The following MAD1L1 variants were observed in gnomAD, a reference collection of about 807,000 sequenced individuals.
The protein encoded by MAD1L1 is mitotic spindle assembly checkpoint protein MAD1.
In MAD1L1, 95 loss-of-function variants were observed where a neutral mutation model predicts 96.9. The observed-to-expected ratio is 0.98, with a 90% CI of 0.83 to 1.16. MAD1L1 has a LOEUF of 1.16. Among genes scored for constraint, MAD1L1 ranks in the 50% most tolerant of loss-of-function variants. MAD1L1 has a pLI of 0.00. For missense variants in MAD1L1, 1,007 were observed against 954.4 expected (o/e 1.06, Z -0.73); for synonymous variants, 473 against 396.6 (o/e 1.19, Z -2.29).
chr7:2,196,866 C>T (rs1792015577), intron 10 of MAD1L1, among the ~76,000 whole-genome samples: 2 of 152,218 alleles, frequency 1.3e-5, no homozygotes, highest in African/African-American at 4.8e-5. Context: ...TCTCAACTGA[C>T]AACAGGAAAC....
intron 10 of MAD1L1, among the ~76,000 whole-genome samples, chr7:2,154,126 A>C (rs921875615): frequency 6.6e-6 from 1 of 152,250 alleles, no homozygotes; most frequent in Non-Finnish European, 1.5e-5. Flanking sequence ...ACTGCACTCC[A>C]GCCTGGCAAC....
At chr7:2,085,690 G>T (rs1259720414) in intron 11 of MAD1L1, among the ~76,000 whole-genome samples, 1 of 152,198 alleles carries the variant, frequency 6.6e-6, no homozygotes, top group African/African-American at 2.4e-5. Flanking sequence ...CTCCTCGCTG[G>T]GTGGACAGCC....
intron 11 of MAD1L1, among the ~76,000 whole-genome samples, chr7:2,147,778 A>G (rs1789383008): frequency 6.6e-6 from 1 of 152,240 alleles, no homozygotes; most frequent in South Asian, 2.1e-4. Context: ...CATGGGCTCA[A>G]TCCACATCTC....
At position 2,225,495 on chromosome 7, in the gene MAD1L1, C is replaced by G. The variant is rs370103711; in HGVS notation, c.206G>C (p.Arg69Pro). 35 of 1,614,032 alleles carry G rather than the reference C, an allele frequency of 2.2e-5. No homozygotes were observed. The highest frequency in any genetic ancestry group is 5.0e-5 in the Admixed American group (3 of 59,998). The stretch of plus-strand genomic sequence containing the variant: ...ACTCAGCTCCATCTGCATTTTCTCC[C>G]GCTCCACCTGGATGAGGTGGGACTT... ...RSKSHLIQVEREKMQMELSHK... is the reference protein window; with the variant it reads ...RSKSHLIQVEPEKMQMELSHK... The change falls in exon 4 of 19, where the codon CGG (arginine) becomes CCG (proline). Residue 69 changes from arginine (R) to proline (P), a missense_variant. Transcript: ENST00000265854.
intron 11 of MAD1L1, among the ~76,000 whole-genome samples, chr7:2,111,832 G>A (rs1302550881): frequency 6.6e-6 from 1 of 152,154 alleles, no homozygotes; most frequent in African/African-American, 2.4e-5. Flanking sequence ...CACACCGGAT[G>A]CTTCCCGCTG....
At chr7:1,892,177 A>C (rs1786585184) in intron 18 of MAD1L1, among the ~76,000 whole-genome samples, 1 of 152,202 alleles carries the variant, frequency 6.6e-6, no homozygotes, top group Non-Finnish European at 1.5e-5. Context: ...GGTCTACTGC[A>C]TTCAGCACAG....
At chr7:2,019,940 T>C (rs1345236088) in intron 12 of MAD1L1, among the ~76,000 whole-genome samples, 1 of 152,222 alleles carries the variant, frequency 6.6e-6, no homozygotes, top group Non-Finnish European at 1.5e-5. Flanking sequence ...TCAAGTATGA[T>C]TCACTCAGGC....
At chr7:2,067,606 C>T (rs1239456722) in intron 12 of MAD1L1, among the ~76,000 whole-genome samples, 3 of 152,168 alleles carry the variant, frequency 2.0e-5, no homozygotes, top group African/African-American at 7.2e-5. Context: ...GCCCAAACCC[C>T]CGCAGTGGTC....
At chr7:2,105,886 T>C (rs970227231) in intron 11 of MAD1L1, among the ~76,000 whole-genome samples, 6 of 152,006 alleles carry the variant, frequency 3.9e-5, no homozygotes, top group African/African-American at 1.2e-4. Flanking sequence ...TCGTCACAGA[T>C]GCCACCTAGC....
rs1381346279 is a variant in MAD1L1, at chr7:2,088,007, T to C, written c.1074-18669A>G. ...TGCCACTTCCCCTCTCACAGCTAAC[T>C]GGATCCGTTTCCCAGCAGATCGAGG... is the stretch of plus-strand genomic sequence containing the variant. On this transcript the variant is annotated intron_variant, in intron 11 of 18. Transcript: ENST00000265854. This position sits in a 1 kb window ranked among gnomAD's most constrained non-coding sequence, Gnocchi z 4.4. Among the ~76,000 whole-genome samples, 2 of 152,202 alleles carry C rather than the reference T, an allele frequency of 1.3e-5. No individual in the cohort carries two copies. Among genetic ancestry groups the C allele is most frequent in the African/African-American group, 4.8e-5 (2 of 41,442 alleles).
intron 11 of MAD1L1, among the ~76,000 whole-genome samples, chr7:2,134,262 T>C (rs1315001172): frequency 2.0e-5 from 3 of 152,288 alleles, no homozygotes; most frequent in South Asian, 2.1e-4. Flanking sequence ...CTAATGTAAA[T>C]AGTACTGGGT....
At chr7:2,076,877 C>T (rs1562663803) in intron 11 of MAD1L1, among the ~76,000 whole-genome samples, 4 of 149,444 alleles carry the variant, frequency 2.7e-5, no homozygotes, top group Non-Finnish European at 3.0e-5. Context: ...GCCTGTGGCA[C>T]GGTGAGCCCA....
chr7:2,170,647 A>C (rs1370315368), intron 10 of MAD1L1, among the ~76,000 whole-genome samples: 1 of 152,180 alleles, frequency 6.6e-6, no homozygotes, highest in African/African-American at 2.4e-5. Flanking sequence ...GCTGGAGTGA[A>C]GAATAGTTGC....
At chr7:2,214,177 C>G (rs1793137673) in intron 9 of MAD1L1, among the ~76,000 whole-genome samples, 1 of 152,218 alleles carries the variant, frequency 6.6e-6, no homozygotes, top group Non-Finnish European at 1.5e-5. Context: ...GACGGGGAGA[C>G]AGACAGGGAG....
chr7:1,855,582 TC>T (rs1246364393), intron 18 of MAD1L1, among the ~76,000 whole-genome samples: 6 of 151,720 alleles, frequency 4.0e-5, no homozygotes, highest in African/African-American at 1.5e-4. Flanking sequence ...GAGGCGGGTC[TC>T]CCCTCACCAC....
chr7:2,186,075 A>G (rs2128603960), intron 10 of MAD1L1, among the ~76,000 whole-genome samples: 1 of 152,370 alleles, frequency 6.6e-6, no homozygotes, highest in African/African-American at 2.4e-5. Flanking sequence ...AAACACTAAC[A>G]ACATCAATGA....
intron 16 of MAD1L1, among the ~76,000 whole-genome samples, chr7:1,945,206 C>A (rs547589876): frequency 2.9e-4 from 44 of 152,368 alleles, no homozygotes; most frequent in African/African-American, 1.0e-3. Context: ...CGGGACACCC[C>A]GATCAGCCTA....
chr7:2,014,945 C>T (rs774442247), intron 12 of MAD1L1, among the ~76,000 whole-genome samples: 2 of 152,230 alleles, frequency 1.3e-5, no homozygotes, highest in South Asian at 2.1e-4. Context: ...GCTATGGGGT[C>T]GGCTGGGAGC....
intron 11 of MAD1L1, among the ~76,000 whole-genome samples, chr7:2,072,874 C>G (rs1785201484): frequency 2.0e-5 from 3 of 152,208 alleles, no homozygotes; most frequent in African/African-American, 7.2e-5. Context: ...AGGGTGCGCT[C>G]ACATCTGTGT....
Sources: allele counts gnomAD v4.1 joint callset (sites outside exome capture counted in the v4.1 genomes callset), GRCh38; gene constraint gnomAD v4.1.1; non-coding constraint Gnocchi (gnomAD v3.1); transcripts MANE v1.5; gene names NCBI Gene and HGNC (gene_info 2026-07-23, HGNC 2026-07-21).